The following CYRIB variants were observed in gnomAD, a reference collection of about 807,000 sequenced individuals.
The protein encoded by CYRIB is CYFIP-related Rac1 interactor B.
A neutral mutation model predicts 44.2 loss-of-function variants in CYRIB; 8 were observed. That is an observed-to-expected ratio of 0.18 (90% CI 0.11 to 0.33). CYRIB has a LOEUF of 0.33. Ranked by LOEUF, CYRIB falls within the 10% of genes least tolerant of loss-of-function variation. CYRIB has a pLI of 1.00. For missense variants in CYRIB, 185 were observed against 382.8 expected, an observed-to-expected ratio of 0.48 and a Z score of 4.31; for synonymous variants, 131 against 127.2, an observed-to-expected ratio of 1.03 and a Z score of -0.20.
At chr8:129,872,042 C>T (rs1047895597) in intron 3 of CYRIB, among the ~76,000 whole-genome samples, 6 of 151,942 alleles carry the variant, frequency 3.9e-5, no homozygotes, top group Admixed American at 2.0e-4. Context: ...GGAATCACTT[C>T]GAAAGTGTCT....
At chr8:129,890,410 A>G (rs1288994090) in intron 2 of CYRIB, 1 of 152,264 alleles carries the variant, frequency 6.6e-6, no homozygotes, top group Non-Finnish European at 1.5e-5. Context: ...AGACCTGCTA[A>G]ATGAAGGCTC....
chr8:129,969,015 C>CTTTTTTTTT (rs55873104), intron 2 of CYRIB, among the ~76,000 whole-genome samples: 27,149 of 77,072 alleles, frequency 0.35, 6,837 homozygotes, highest in African/African-American at 0.54. Context: ...ATTTGTCCTC[C>CTTTTTTTTT]TTTTTTTTTT....
At chr8:129,924,549 T>A (rs1030885463) in intron 1 of CYRIB, among the ~76,000 whole-genome samples, 1 of 152,156 alleles carries the variant, frequency 6.6e-6, no homozygotes, top group African/African-American at 2.4e-5. Context: ...AAAAAACAAT[T>A]TTTTGTCCAC....
At chr8:129,862,368 T>TAA (rs79017100) in intron 4 of CYRIB, 34 bp from the exon 7 acceptor site, 170 of 1,259,986 alleles carry the variant, frequency 1.3e-4, no homozygotes, top group African/African-American at 4.2e-4. Flanking sequence ...TAGTTAGAGT[T>TAA]AAAAAAAAAA....
intron 1 of CYRIB, among the ~76,000 whole-genome samples, chr8:130,003,000 G>A (rs1453761136): frequency 6.6e-6 from 1 of 152,206 alleles, no homozygotes; most frequent in East Asian, 1.9e-4. Context: ...CTCTAGAGAT[G>A]GCACTTGCCA....
In CYRIB at chr8:129,864,752, C is replaced by T. The variant is rs564238397; in HGVS notation, c.196-2418G>A. On this transcript the variant is annotated intron_variant, in intron 4 of 11. Coordinates refer to ENST00000519824, the Ensembl canonical transcript of CYRIB. The stretch of plus-strand genomic sequence containing the variant: ...TCTGCTGAAGTTTGCTCAAAGCCTT[C>T]GGTACATTGCTAAGGAGTGAGCTGG... The T allele has an allele frequency of 2.6e-4, 93 of 363,328 alleles. 4 individuals carry two copies. The highest frequency in any genetic ancestry group is 2.2e-3 in the South Asian group (93 of 42,634). The allele number at this position is 363,328 out of a possible 1,614,324, so 22.5% of individuals were successfully genotyped here.
chr8:129,860,858 G>A (rs2049009728), intron 5 of CYRIB, among the ~76,000 whole-genome samples: 1 of 130,490 alleles, frequency 7.7e-6, no homozygotes, highest in Non-Finnish European at 1.7e-5. Context: ...CTAGTTGGAG[G>A]CTTAAAGAAA....
intron 1 of CYRIB, among the ~76,000 whole-genome samples, chr8:129,986,552 T>C (rs575259005): frequency 6.6e-6 from 1 of 152,236 alleles, no homozygotes; most frequent in African/African-American, 2.4e-5. Context: ...AATGGATTAA[T>C]GGGTTATCTT....
At chr8:130,007,157 A>T (rs2097120859) in intron 1 of CYRIB, among the ~76,000 whole-genome samples, 3 of 152,154 alleles carry the variant, frequency 2.0e-5, no homozygotes, top group Non-Finnish European at 4.4e-5. Context: ...ACGAGTTTGC[A>T]GTAGGTGGTT....
At chr8:130,010,445 T>C (rs1184651107) in intron 1 of CYRIB, among the ~76,000 whole-genome samples, 4 of 152,114 alleles carry the variant, frequency 2.6e-5, no homozygotes, top group Non-Finnish European at 5.9e-5. Context: ...TTCCCTTGTG[T>C]GTTAAAATTA....
exon 12 of CYRIB, chr8:129,842,148 C>A: frequency 6.2e-7 from 1 of 1,611,082 alleles, no homozygotes; most frequent in South Asian, 1.1e-5. Context: ...ATTGTTATTG[C>A]AGCATGGATT....
intron 1 of CYRIB, among the ~76,000 whole-genome samples, chr8:129,918,819 T>C (rs1038393850): frequency 1.3e-5 from 2 of 152,192 alleles, no homozygotes; most frequent in African/African-American, 4.8e-5. Flanking sequence ...ATGCAACCCG[T>C]CTAAAGTTAA....
chr8:129,879,747 T>C, intron 2 of CYRIB: 1 of 326,958 alleles, frequency 3.1e-6, no homozygotes. Context: ...ATTAATGGCC[T>C]TATAATGAAA....
At chr8:129,962,429 C>G (rs750320624) in intron 2 of CYRIB, among the ~76,000 whole-genome samples, 7 of 151,984 alleles carry the variant, frequency 4.6e-5, no homozygotes, top group African/African-American at 9.7e-5. Context: ...GGCCACAGAG[C>G]AAGGCCTTGT....
chr8:129,945,129 G>A (rs573593560), intron 2 of CYRIB, among the ~76,000 whole-genome samples: 11 of 152,334 alleles, frequency 7.2e-5, no homozygotes, highest in African/African-American at 2.2e-4. Flanking sequence ...CTGGGCAACC[G>A]CATTGCTGTA....
intron 1 of CYRIB, among the ~76,000 whole-genome samples, chr8:129,923,571 G>C (rs536742800): frequency 6.6e-6 from 1 of 152,056 alleles, no homozygotes; most frequent in East Asian, 1.9e-4. Context: ...CACTGCACCC[G>C]GCCAAGTCAA....
chr8:130,015,699 G>A (rs1211594292), intron 1 of CYRIB, among the ~76,000 whole-genome samples: 1 of 152,278 alleles, frequency 6.6e-6, no homozygotes, highest in East Asian at 1.9e-4. Context: ...ACCCCAGTGT[G>A]TGTGTACACA....
intron 1 of CYRIB, among the ~76,000 whole-genome samples, chr8:129,989,477 C>T (rs939264503): frequency 2.6e-5 from 4 of 152,126 alleles, no homozygotes; most frequent in South Asian, 2.1e-4. Context: ...TAAATCAACA[C>T]GTAAGGGGCA....
At chr8:129,986,836 C>T (rs779952580) in intron 1 of CYRIB, among the ~76,000 whole-genome samples, 1 of 152,172 alleles carries the variant, frequency 6.6e-6, no homozygotes, top group Non-Finnish European at 1.5e-5. Context: ...AAAGCAAATC[C>T]AGCACTGCAT....
Sources: allele counts gnomAD v4.1 joint callset (sites outside exome capture counted in the v4.1 genomes callset), GRCh38; gene constraint gnomAD v4.1.1; transcripts MANE v1.5; gene names NCBI Gene and HGNC (gene_info 2026-07-23, HGNC 2026-07-21).